XXYLT1: variants seen among roughly 807,000 people sequenced by gnomAD.
XXYLT1 encodes xyloside xylosyltransferase 1.
A neutral mutation model predicts 28.9 loss-of-function variants in XXYLT1; 20 were observed. That is an observed-to-expected ratio of 0.69 (90% confidence interval 0.49 to 1.00). The LOEUF is 1.00. XXYLT1 is among the 50% of genes least tolerant of loss of function. The probability of loss-of-function intolerance (pLI) is 0.00; values close to 1 mark genes in which losing one functional copy is unlikely to be tolerated. For missense variants in XXYLT1, 542 were observed against 560.1 expected (o/e 0.97, Z 0.33); for synonymous variants, 257 against 253.8 (o/e 1.01, Z -0.12).
At chr3:195,122,540 C>A (rs1399833003) in intron 3 of XXYLT1, among the ~76,000 whole-genome samples, 4 of 152,074 alleles carry the variant, frequency 2.6e-5, no homozygotes, top group Admixed American at 2.6e-4. Context: ...CTGGAAAGTA[C>A]CCCATGCCTG....
chr3:195,234,570 C>T (rs1724452004), intron 1 of XXYLT1, among the ~76,000 whole-genome samples: 1 of 152,056 alleles, frequency 6.6e-6, no homozygotes. Context: ...CCACCTGCCT[C>T]AGCCTCCCAA....
In XXYLT1 at chr3:195,270,994, G is replaced by T; in HGVS notation, c.65C>A (p.Ser22Tyr). The stretch of plus-strand genomic sequence containing the variant: ...GGCCAGCAGCAGGGCGCAGTAGTGG[G>T]AGCGCACAGCGCCCAGGCGCGCCAT... ...RAMARLGAVR[S>Y]HYCALLLAAA... Residue 22 changes from serine to tyrosine, a missense_variant, in exon 1 of 4, where the codon TCC (serine) becomes TAC (tyrosine). Coordinates refer to ENST00000310380, the MANE Select transcript of XXYLT1 (RefSeq NM_152531.5). 6.8e-7 allele frequency: 1 copy of T among 1,480,814 alleles called. No individual in the cohort carries two copies. 91.7% of individuals were successfully genotyped at this position (1,480,814 alleles called of 1,614,324 possible). A position where few individuals can be genotyped will look rare whatever the true frequency, so the allele number is the denominator to read the frequency against.
intron 2 of XXYLT1, among the ~76,000 whole-genome samples, chr3:195,204,978 C>T (rs1211653586): frequency 4.6e-5 from 7 of 152,142 alleles, no homozygotes; most frequent in Admixed American, 6.5e-5. Context: ...TCCCCAGTTG[C>T]GAAGTCAGAA....
intron 2 of XXYLT1, among the ~76,000 whole-genome samples, chr3:195,165,470 A>G (rs1404223582): frequency 6.6e-6 from 1 of 152,166 alleles, no homozygotes; most frequent in Non-Finnish European, 1.5e-5. Context: ...AGGGGTGTGG[A>G]AAGAATGGCC....
intron 3 of XXYLT1, among the ~76,000 whole-genome samples, chr3:195,097,119 C>T (rs1424136300): frequency 6.6e-6 from 1 of 152,172 alleles, no homozygotes; most frequent in Non-Finnish European, 1.5e-5. Context: ...GACATATAGG[C>T]CGGTTCATTT....
At chr3:195,114,755 C>CAGACAAGCTTGT (rs1264807741) in intron 3 of XXYLT1, among the ~76,000 whole-genome samples, 1 of 152,194 alleles carries the variant, frequency 6.6e-6, no homozygotes, top group African/African-American at 2.4e-5. Flanking sequence ...GACAAGCTTT[C>CAGACAAGCTTGT]GTCAATCAGA....
intron 2 of XXYLT1, among the ~76,000 whole-genome samples, chr3:195,203,100 C>T (rs1347536937): frequency 6.6e-6 from 1 of 152,046 alleles, no homozygotes; most frequent in Non-Finnish European, 1.5e-5. Flanking sequence ...TGAGCCACCA[C>T]ACCTGCCCAC....
At chr3:195,181,376 C>T (rs1721948050) in intron 2 of XXYLT1, among the ~76,000 whole-genome samples, 1 of 152,240 alleles carries the variant, frequency 6.6e-6, no homozygotes, top group African/African-American at 2.4e-5. Flanking sequence ...ATCTTCTACA[C>T]ATTTACCCCC....
intron 3 of XXYLT1, among the ~76,000 whole-genome samples, chr3:195,100,228 C>G (rs1308370601): frequency 6.6e-6 from 1 of 152,178 alleles, no homozygotes; most frequent in Non-Finnish European, 1.5e-5. Context: ...CTGTGGATGT[C>G]TGACGGCCAG....
intron 3 of XXYLT1, among the ~76,000 whole-genome samples, chr3:195,132,098 C>T (rs1718934506): frequency 6.6e-6 from 1 of 152,148 alleles, no homozygotes; most frequent in Admixed American, 6.5e-5. Context: ...ACCCAGAGGA[C>T]AAGGATAGCA....
At chr3:195,156,703 G>A (rs1057379599) in intron 2 of XXYLT1, 122 bp from the exon 3 acceptor site, 3 of 1,284,402 alleles carry the variant, frequency 2.3e-6, no homozygotes, top group African/African-American at 3.0e-5. Context: ...GTCAGTGAAT[G>A]ATGCACAGTT....
chr3:195,221,058 CTCCTCCACGGCAT>C (rs141895503), intron 2 of XXYLT1, among the ~76,000 whole-genome samples: 3,812 of 152,284 alleles, frequency 0.025, 171 homozygotes, highest in African/African-American at 0.086. Flanking sequence ...AACAGCTCTT[CTCCTCCACGGCAT>C]TCCTCCCATA....
chr3:195,245,671 C>T (rs67388686), intron 1 of XXYLT1, among the ~76,000 whole-genome samples: 19,621 of 152,172 alleles, frequency 0.13, 2,738 homozygotes, highest in African/African-American at 0.34. Context: ...TTCGCAACGC[C>T]GGACTGGGGC....
rs1717479711 is a variant in XXYLT1, at chr3:195,110,244, G to C, written c.786-40133C>G. On this transcript the variant is annotated intron_variant, in intron 3 of 3. Transcript: ENST00000310380. ...TGGTGTATAAGTGTGTGGTGTGCGT[G>C]TGTGGGTGAAGTGTGTGTGGGTGTG... Among the ~76,000 whole-genome samples the C allele has an allele frequency of 2.2e-4, 4 of 18,568 alleles. 1 individual carries two copies. The highest frequency in any genetic ancestry group is 5.3e-4 in the Non-Finnish European group (4 of 7,582). The allele number at this position is 18,568 out of a possible 152,430, so 12.2% of individuals were successfully genotyped here.
At chr3:195,099,557 G>A (rs1716648984) in intron 3 of XXYLT1, among the ~76,000 whole-genome samples, 1 of 152,178 alleles carries the variant, frequency 6.6e-6, no homozygotes, top group Admixed American at 6.5e-5. Context: ...TGGGCTGGGC[G>A]CGGTGGCTCA....
At chr3:195,237,464 T>G (rs1250953955) in intron 1 of XXYLT1, among the ~76,000 whole-genome samples, 2 of 152,146 alleles carry the variant, frequency 1.3e-5, no homozygotes, top group African/African-American at 4.8e-5. Context: ...CTGTCTTTCC[T>G]ACCCTCTGCA....
chr3:195,190,933 C>T (rs1722393756), intron 2 of XXYLT1, among the ~76,000 whole-genome samples: 1 of 151,876 alleles, frequency 6.6e-6, no homozygotes, highest in Admixed American at 6.6e-5. Context: ...AAATGGTACA[C>T]TAAAATATAC....
At chr3:195,238,761 T>A (rs971221091) in intron 1 of XXYLT1, among the ~76,000 whole-genome samples, 2 of 152,128 alleles carry the variant, frequency 1.3e-5, no homozygotes, top group African/African-American at 2.4e-5. Context: ...ACAGATCAGT[T>A]TTCACTCCTA....
chr3:195,156,296 C>T (rs1388233669), intron 3 of XXYLT1, among the ~76,000 whole-genome samples, 153 bp downstream of exon 3: 1 of 152,202 alleles, frequency 6.6e-6, no homozygotes, highest in African/African-American at 2.4e-5. Flanking sequence ...CCCATACAAT[C>T]AACTGTAAGC....
Sources: allele counts gnomAD v4.1 joint callset (sites outside exome capture counted in the v4.1 genomes callset), GRCh38; gene constraint gnomAD v4.1.1; transcripts MANE v1.5; gene names NCBI Gene and HGNC (gene_info 2026-07-23, HGNC 2026-07-21).